RAB23: variants seen among roughly 807,000 people sequenced by gnomAD.
RAB23 encodes RAB23, member RAS oncogene family.
In RAB23, 15 loss-of-function variants were observed where a neutral mutation model predicts 30.0. The observed-to-expected ratio is 0.50, with a 90% CI of 0.33 to 0.77. The LOEUF is 0.77. Ranked by LOEUF, RAB23 falls within the 30% of genes least tolerant of loss-of-function variation. The pLI is 0.02. For missense variants in RAB23, 243 were observed against 275.4 expected, an observed-to-expected ratio of 0.88 and a Z score of 0.83; for synonymous variants, 93 against 94.0, an observed-to-expected ratio of 0.99 and a Z score of 0.06.
At chr6:57,198,588 G>A (rs1385417520) in intron 3 of RAB23, among the ~76,000 whole-genome samples, 1 of 152,134 alleles carries the variant, frequency 6.6e-6, no homozygotes, top group East Asian at 1.9e-4. Context: ...GACTGAGGTG[G>A]GAGGATTGCT....
At chr6:57,212,666 G>C (rs1765697269) in intron 1 of RAB23, among the ~76,000 whole-genome samples, 1 of 150,430 alleles carries the variant, frequency 6.6e-6, no homozygotes, top group Admixed American at 6.6e-5. Context: ...AGGATTGCTT[G>C]AGGCCAGGGG....
At chr6:57,220,785 G>GTAGT (rs1766026723) in intron 1 of RAB23, among the ~76,000 whole-genome samples, 1 of 151,762 alleles carries the variant, frequency 6.6e-6, no homozygotes, top group African/African-American at 2.4e-5. Flanking sequence ...CATCCTTACT[G>GTAGT]TAGTGGTGGT....
chr6:57,222,257 C>A lies in RAB23; in HGVS notation c.-597G>T, dbSNP rs764169500. 1 of 152,564 alleles carries A rather than the reference C, an allele frequency of 6.6e-6. No homozygotes were observed. The highest frequency in any genetic ancestry group is 1.5e-5 in the Non-Finnish European group (1 of 68,344). 9.5% of individuals were successfully genotyped at this position (152,564 alleles called of 1,614,324 possible). A position where few individuals can be genotyped will look rare whatever the true frequency, so the allele number is the denominator to read the frequency against. Reference sequence around the variant, plus strand: ...AGCAGCTCCGCCGGGGGTGGTGGGGCGCGGGAGTCTCGACTCCCCTCATCT... The same window carrying A: ...AGCAGCTCCGCCGGGGGTGGTGGGGAGCGGGAGTCTCGACTCCCCTCATCT... On this transcript the variant is annotated 5_prime_UTR_variant, in exon 1 of 7. Transcript: ENST00000468148.
At chr6:57,191,192 A>C (rs1764825937) in intron 6 of RAB23, among the ~76,000 whole-genome samples, 1 of 152,200 alleles carries the variant, frequency 6.6e-6, no homozygotes, top group Non-Finnish European at 1.5e-5. Flanking sequence ...CATGGTACAA[A>C]GTTCCAAGGC....
At chr6:57,201,719 A>G (rs1287371262) in intron 3 of RAB23, among the ~76,000 whole-genome samples, 1 of 152,226 alleles carries the variant, frequency 6.6e-6, no homozygotes, top group African/African-American at 2.4e-5. Flanking sequence ...CCAATCAAGG[A>G]CCAAAAAGAG....
intron 2 of RAB23, among the ~76,000 whole-genome samples, chr6:57,208,626 CAA>C (rs1168854982): frequency 1.3e-3 from 59 of 46,914 alleles, no homozygotes; most frequent in Admixed American, 2.5e-3. Context: ...GACTCTGTCT[CAA>C]AAAAAAAAAA....
chr6:57,207,652 C>T lies in RAB23; in HGVS notation c.217G>A (p.Ala73Thr), dbSNP rs752495893. The T allele has an allele frequency of 1.2e-6, 2 of 1,603,110 alleles. No individual in the cohort carries two copies. Among genetic ancestry groups the T allele is most frequent in the Non-Finnish European group, 1.7e-6 (2 of 1,170,312 alleles). ...WDTAGQEEFD[A>T]ITKAYYRGAQ... ...CCTCGATAGTAGGCCTTTGTAATTG[C>T]ATCAAATTCCTCCTGACCTGCAGTG... Residue 73 changes from alanine (A) to threonine (T), a missense_variant, in exon 3 of 7, where the codon GCA (alanine) becomes ACA (threonine). Coordinates refer to ENST00000468148, the MANE Select transcript of RAB23 (RefSeq NM_016277.5).
intron 4 of RAB23, among the ~76,000 whole-genome samples, chr6:57,195,109 C>T (rs1010712343): frequency 6.6e-5 from 10 of 152,134 alleles, no homozygotes; most frequent in African/African-American, 2.4e-4. Flanking sequence ...GAGAAATAAA[C>T]ACCAACTGTT....
intron 6 of RAB23, among the ~76,000 whole-genome samples, chr6:57,191,580 G>A (rs1270311199): frequency 6.6e-6 from 1 of 151,426 alleles, no homozygotes; most frequent in African/African-American, 2.4e-5. Flanking sequence ...CTCCCGAGTA[G>A]CTGGGACTAC....
At chr6:57,201,253 C>T (rs1765243778) in intron 3 of RAB23, among the ~76,000 whole-genome samples, 3 of 151,962 alleles carry the variant, frequency 2.0e-5, no homozygotes. Flanking sequence ...ACTAATTTTT[C>T]TATACTTTTA....
rs559818878 is a variant in RAB23, at chr6:57,189,467, C to T, written c.*994G>A. On this transcript the variant is annotated 3_prime_UTR_variant, in exon 7 of 7. Transcript: ENST00000468148. ...GCAGCAAAAGGTGTTAGATGCATCA[C>T]CACACTTCACAGGACCTCCTGAATG... The T allele has an allele frequency of 2.0e-5, 3 of 152,292 alleles. No homozygotes were observed. Among genetic ancestry groups the T allele is most frequent in the African/African-American group, 7.2e-5 (3 of 41,558 alleles). The allele number at this position is 152,292 out of a possible 1,614,324, so 9.4% of individuals were successfully genotyped here.
chr6:57,199,472 G>A (rs1765155560), intron 3 of RAB23, among the ~76,000 whole-genome samples: 1 of 152,172 alleles, frequency 6.6e-6, no homozygotes, highest in South Asian at 2.1e-4. Context: ...GCAGTGGGAA[G>A]GCACACAGAG....
At chr6:57,213,960 C>A (rs1765746535) in intron 1 of RAB23, among the ~76,000 whole-genome samples, 1 of 150,808 alleles carries the variant, frequency 6.6e-6, no homozygotes, top group Non-Finnish European at 1.5e-5. Context: ...TCAGAAAAGA[C>A]CAACTGGGGA....
intron 3 of RAB23, among the ~76,000 whole-genome samples, chr6:57,200,076 G>A (rs1765187779): frequency 4.0e-5 from 6 of 151,732 alleles, no homozygotes; most frequent in Admixed American, 3.9e-4. Flanking sequence ...TACCAATAAA[G>A]CATGTAACAA....
chr6:57,210,110 ATTGCCACTAG>A, intron 2 of RAB23, 106 bp downstream of exon 2: 4 of 1,086,594 alleles, frequency 3.7e-6, no homozygotes, highest in Non-Finnish European at 5.5e-6. Flanking sequence ...TCGCATGAGC[ATTGCCACTAG>A]TTGCCACACC....
At position 57,188,024 on chromosome 6, in the gene RAB23, T is replaced by C. The variant is rs537378211; in HGVS notation, c.*2437A>G. On this transcript the variant is annotated 3_prime_UTR_variant, in exon 7 of 7. Coordinates refer to ENST00000468148, the MANE Select transcript of RAB23 (RefSeq NM_016277.5). ...AGGAAACCTGAGGAACTCTGAAATA[T>C]GGCAGTTATTCCACAGCGATATGTC... is the stretch of plus-strand genomic sequence containing the variant. 8 of 152,304 alleles carry C rather than the reference T, an allele frequency of 5.3e-5. No individual in the cohort carries two copies. The highest frequency in any genetic ancestry group is 3.4e-3 in the Middle Eastern group (1 of 294). 9.4% of individuals were successfully genotyped at this position (152,304 alleles called of 1,614,324 possible). A position where few individuals can be genotyped will look rare whatever the true frequency, so the allele number is the denominator to read the frequency against.
chr6:57,192,520 C>T (rs767679816), intron 6 of RAB23, among the ~76,000 whole-genome samples: 1 of 152,174 alleles, frequency 6.6e-6, no homozygotes, highest in Non-Finnish European at 1.5e-5. Context: ...GCATCTGATA[C>T]ATAAGAAAGG....
chr6:57,192,625 C>T (rs192645449), intron 6 of RAB23, among the ~76,000 whole-genome samples: 10 of 152,288 alleles, frequency 6.6e-5, no homozygotes, highest in African/African-American at 1.9e-4. Context: ...CAGTGGCTCA[C>T]ACCTATAATC....
At chr6:57,200,427 C>T (rs1258849877) in intron 3 of RAB23, among the ~76,000 whole-genome samples, 1 of 148,234 alleles carries the variant, frequency 6.7e-6, no homozygotes, top group Non-Finnish European at 1.5e-5. Flanking sequence ...GTCCCAGCTA[C>T]TTGGGAGGCT....
Sources: gnomAD v4.1 joint callset for allele counts (sites outside exome capture counted in the v4.1 genomes callset) on GRCh38, gnomAD v4.1.1 for gene constraint, MANE v1.5 for transcripts, NCBI Gene and HGNC (gene_info 2026-07-23, HGNC 2026-07-21) for gene names.